Variants in LTBP1 observed in about 807,000 individuals in gnomAD.
LTBP1 encodes the protein latent-transforming growth factor beta-binding protein 1.
A neutral mutation model predicts 207.6 loss-of-function variants in LTBP1; 129 were observed. The ratio of observed to expected loss-of-function variants is 0.62; its 90% CI spans 0.54 to 0.72. The LOEUF is 0.72. LTBP1 is among the 30% of genes least tolerant of loss of function. The pLI is 0.00. For synonymous variants in LTBP1, 963 were observed against 833.7 expected, an observed-to-expected ratio of 1.16 and a Z score of -2.67; for missense variants, 2,281 against 2,217.2, an observed-to-expected ratio of 1.03 and a Z score of -0.58.
intron 10 of LTBP1, among the ~76,000 whole-genome samples, chr2:33,252,022 T>C (rs553664807): frequency 9.2e-5 from 14 of 152,240 alleles, no homozygotes; most frequent in Non-Finnish European, 1.8e-4. Flanking sequence ...ATTGGATGGC[T>C]ATAGCCTTGT....
rs1204933192 is a variant in LTBP1 at position 32,959,594 on chromosome 2, C to CGTGT, written c.565+10650_565+10653dup. On this transcript the variant is annotated intron_variant, in intron 2 of 33. Transcript: ENST00000404816. ...GTGTATGTATATGTATATATATGTA[C>CGTGT]GTGTATATATATATATATATATATA... Among the ~76,000 whole-genome samples the CGTGT allele has an allele frequency of 3.5e-3, 218 of 61,822 alleles. 3 individuals are homozygous for CGTGT. The highest frequency in any genetic ancestry group is 0.012 in the African/African-American group (208 of 16,706). 40.6% of individuals were successfully genotyped at this position (61,822 alleles called of 152,430 possible). A position where few individuals can be genotyped will look rare whatever the true frequency, so the allele number is the denominator to read the frequency against.
At chr2:32,981,532 A>G (rs958191674) in intron 2 of LTBP1, among the ~76,000 whole-genome samples, 4 of 152,188 alleles carry the variant, frequency 2.6e-5, no homozygotes, top group African/African-American at 9.7e-5. Flanking sequence ...AGATGGAATG[A>G]TGACTTCCAA....
At chr2:33,072,729 G>A (rs976567690) in intron 3 of LTBP1, among the ~76,000 whole-genome samples, 7 of 152,106 alleles carry the variant, frequency 4.6e-5, no homozygotes, top group African/African-American at 1.2e-4. Context: ...GTTGAAAACC[G>A]GTATATTAAT....
intron 5 of LTBP1, among the ~76,000 whole-genome samples, chr2:33,146,242 T>A (rs1439218388): frequency 6.6e-6 from 1 of 152,232 alleles, no homozygotes; most frequent in Non-Finnish European, 1.5e-5. Flanking sequence ...CAACAGCCAC[T>A]AAGTTCTTGG....
chr2:33,247,135 A>G (rs2092539900), intron 10 of LTBP1, among the ~76,000 whole-genome samples: 2 of 152,210 alleles, frequency 1.3e-5, no homozygotes. Context: ...GCCTTTTCGT[A>G]GTATTCTTCA....
intron 5 of LTBP1, among the ~76,000 whole-genome samples, chr2:33,140,724 G>C (rs2082584076): frequency 6.8e-6 from 1 of 147,322 alleles, no homozygotes; most frequent in African/African-American, 2.5e-5. Flanking sequence ...CTGGAGTGCA[G>C]TGCCGCCATC....
chr2:32,965,779 T>A (rs1009727938), intron 2 of LTBP1, among the ~76,000 whole-genome samples: 1 of 152,262 alleles, frequency 6.6e-6, no homozygotes, highest in African/African-American at 2.4e-5. Context: ...ATAGAGCTGC[T>A]GTAAACATTT....
intron 3 of LTBP1, among the ~76,000 whole-genome samples, chr2:33,021,934 TGA>T (rs1482165143): frequency 6.6e-6 from 1 of 152,232 alleles, no homozygotes; most frequent in Non-Finnish European, 1.5e-5. Flanking sequence ...CTCCTCTTAA[TGA>T]GCTATTCTGT....
At chr2:33,272,823 A>G (rs901779227) in intron 15 of LTBP1, among the ~76,000 whole-genome samples, 1 of 152,154 alleles carries the variant, frequency 6.6e-6, no homozygotes. Flanking sequence ...AAAATCTTAA[A>G]GGAGTAATTA....
At chr2:33,203,782 A>G (rs1300992628) in intron 7 of LTBP1, among the ~76,000 whole-genome samples, 1 of 152,214 alleles carries the variant, frequency 6.6e-6, no homozygotes, top group African/African-American at 2.4e-5. Flanking sequence ...AATAATAATT[A>G]TGGAGCAGCT....
intron 31 of LTBP1, among the ~76,000 whole-genome samples, chr2:33,385,253 A>T (rs2095255827): frequency 6.6e-6 from 1 of 152,144 alleles, no homozygotes; most frequent in Non-Finnish European, 1.5e-5. Context: ...CCTATTTAAA[A>T]ACTCCAAATA....
In LTBP1 at chr2:33,126,296, T is replaced by C. The variant is rs138394854; in HGVS notation, c.1034-8497T>C. ...ATTGCCAGGGTTAGTCTCGATCTCC[T>C]GAACTCAAGCAATCCTCCCCCTCAG... On this transcript the variant is annotated intron_variant, in intron 4 of 33. Transcript: ENST00000404816. Among the ~76,000 whole-genome samples, 172 of 152,304 alleles carry C rather than the reference T, an allele frequency of 1.1e-3. 1 individual carries two copies. Among genetic ancestry groups the C allele is most frequent in the Non-Finnish European group, 2.1e-3 (143 of 68,016 alleles).
At chr2:33,042,033 C>G (rs1033899590) in intron 3 of LTBP1, among the ~76,000 whole-genome samples, 1 of 152,102 alleles carries the variant, frequency 6.6e-6, no homozygotes, top group Non-Finnish European at 1.5e-5. Flanking sequence ...TTTCTTTGTG[C>G]CATTCTAATA....
At chr2:33,312,076 A>G (rs72859539) in intron 23 of LTBP1, among the ~76,000 whole-genome samples, 2,320 of 152,240 alleles carry the variant, frequency 0.015, 63 homozygotes, top group African/African-American at 0.053. Context: ...CCTCGTTTTG[A>G]ATTATCCCTT....
chr2:33,087,812 A>G (rs1427062534), intron 3 of LTBP1, among the ~76,000 whole-genome samples: 1 of 152,206 alleles, frequency 6.6e-6, no homozygotes, highest in Non-Finnish European at 1.5e-5. Context: ...AATGGAAATG[A>G]GTTTACTTTA....
intron 3 of LTBP1, among the ~76,000 whole-genome samples, chr2:33,031,364 C>T (rs893069772): frequency 2.0e-5 from 3 of 152,206 alleles, no homozygotes; most frequent in South Asian, 2.1e-4. Flanking sequence ...TCTCAGTCCT[C>T]CTGGCCCCCA....
chr2:32,964,229 C>CT (rs1327357174), intron 2 of LTBP1, among the ~76,000 whole-genome samples: 5 of 152,190 alleles, frequency 3.3e-5, no homozygotes, highest in South Asian at 2.1e-4. Flanking sequence ...CAATGATACA[C>CT]TTTTTTTATT....
In LTBP1 at chr2:33,299,659, G is replaced by C. The variant is rs565419913; in HGVS notation, c.3236-792G>C. 3.9e-5 allele frequency among the ~76,000 whole-genome samples: 6 copies of C among 152,292 alleles called. No homozygotes were observed. In the South Asian group the frequency reaches 1.2e-3, roughly 32 times the overall value. On this transcript the variant is annotated intron_variant, in intron 20 of 33. Coordinates refer to ENST00000404816, the MANE Select transcript of LTBP1 (RefSeq NM_206943.4). ...GTATTTGCACTGACAAGGCAAGACAGAATTATCTGCTTAGGTCGGACCAAT... is the reference window on the plus strand; with the variant it reads ...GTATTTGCACTGACAAGGCAAGACACAATTATCTGCTTAGGTCGGACCAAT...
chr2:33,037,541 T>C (rs930993472), intron 3 of LTBP1, among the ~76,000 whole-genome samples: 2 of 152,198 alleles, frequency 1.3e-5, no homozygotes, highest in African/African-American at 4.8e-5. Context: ...TTTCTACATA[T>C]TAAATATACA....
Sources: gnomAD v4.1 joint callset for allele counts (sites outside exome capture counted in the v4.1 genomes callset) on GRCh38, gnomAD v4.1.1 for gene constraint, MANE v1.5 for transcripts, NCBI Gene and HGNC (gene_info 2026-07-23, HGNC 2026-07-21) for gene names.